WDR44: variants seen among roughly 807,000 people sequenced by gnomAD.
The protein encoded by WDR44 is WD repeat domain 44.
Under a neutral mutation model 65.7 loss-of-function variants are expected in WDR44, and 9 were observed. That is an observed-to-expected ratio of 0.14 (90% CI 0.08 to 0.24). The LOEUF is 0.24. WDR44 is among the 10% of genes least tolerant of loss of function. The pLI, the probability that WDR44 is intolerant of heterozygous loss-of-function variation, is 1.00. For missense variants in WDR44, 425 were observed against 670.9 expected, an observed-to-expected ratio of 0.63 and a Z score of 4.05; for synonymous variants, 220 against 235.2, an observed-to-expected ratio of 0.94 and a Z score of 0.59.
chrX:118,436,514 T>C (rs781570473), intron 13 of WDR44, 188 bp from the exon 14 acceptor site: 2 of 545,044 alleles, frequency 3.7e-6, no homozygotes, highest in Non-Finnish European at 6.4e-6. Flanking sequence ...ATCAGTGAAA[T>C]ATGGTACTTA....
At chrX:118,380,019 CT>C (rs2056700537) in intron 2 of WDR44, among the ~76,000 whole-genome samples, 1 of 111,593 alleles carries the variant, frequency 9.0e-6, no homozygotes, top group Non-Finnish European at 1.9e-5. Flanking sequence ...GGAGAATTTA[CT>C]TTACCCCGTA....
chrX:118,442,274 C>G lies in WDR44; in HGVS notation c.2197C>G (p.Arg733Gly). Reference protein sequence around the residue: ...HLKYHTQIHVRSTRGRNKVGR... With the variant: ...HLKYHTQIHVGSTRGRNKVGR... ...GAAATACCATACACAAATACATGTC[C>G]GATCTACTAGAGGGCGCAACAAGGT... Residue 733 changes from arginine to glycine, a missense_variant, in exon 16 of 20, where the codon CGA becomes GGA. Physicochemically the swap from Arg to Gly is moderately radical, Grantham distance 125. Around this residue, in one of 5 missense-constraint regions of WDR44, gnomAD observed 73 missense variants for 187.4 expected, o/e 0.39. Coordinates refer to ENST00000254029, the MANE Select transcript of WDR44 (RefSeq NM_019045.5). 1.7e-6 allele frequency: 2 copies of G among 1,209,348 alleles called. No individual in the cohort carries two copies. The highest frequency in any genetic ancestry group is 2.2e-6 in the Non-Finnish European group (2 of 893,684).
At position 118,393,160 on chromosome X, in the gene WDR44, C is replaced by G. The variant is rs766265137; in HGVS notation, c.715C>G (p.Pro239Ala). 1 of 1,210,194 alleles carries G rather than the reference C, an allele frequency of 8.3e-7. No homozygotes were observed. Among genetic ancestry groups the G allele is most frequent in the Non-Finnish European group, 1.1e-6 (1 of 895,294 alleles). ...GCCTGTTCCAGCACGCCCACCTCCT[C>G]CAACTAATTTCCCACCTCCTAGACC... is the stretch of plus-strand genomic sequence containing the variant. ...KKPVPARPPP[P>A]TNFPPPRPPP... The change falls in exon 4 of 20, where the codon CCA (proline) becomes GCA (alanine). Residue 239 changes from proline to alanine, a missense_variant. Transcript: ENST00000254029.
chrX:118,407,131 G>C (rs771291198), intron 10 of WDR44, 105 bp downstream of exon 10: 236 of 799,046 alleles, frequency 3.0e-4, no homozygotes, highest in Non-Finnish European at 4.1e-4. Context: ...TTGCTAGCCT[G>C]ACTCAAGAAC....
chrX:118,398,197 A>G (rs888695424), intron 7 of WDR44, among the ~76,000 whole-genome samples, 190 bp from the exon 8 acceptor site: 1 of 112,302 alleles, frequency 8.9e-6, no homozygotes, highest in African/African-American at 3.2e-5. Context: ...AGATTGTGCC[A>G]CTGCACTGCA....
chrX:118,448,326 A>C (rs2057365466), intron 19 of WDR44, among the ~76,000 whole-genome samples: 1 of 112,191 alleles, frequency 8.9e-6, no homozygotes, highest in Non-Finnish European at 1.9e-5. Context: ...TGGCAAATGT[A>C]AGAGGTAAGC....
chrX:118,365,677 A>T lies in WDR44; in HGVS notation c.78-12742A>T, dbSNP rs190411293. Reference sequence around the variant, plus strand: ...TAGGGTAGAAAGTAATTTAGTGCTTAAAACCGGATTTTTGTGTGTGTGCAA... The same window carrying T: ...TAGGGTAGAAAGTAATTTAGTGCTTTAAACCGGATTTTTGTGTGTGTGCAA... On this transcript the variant is annotated intron_variant, in intron 1 of 19. Transcript: ENST00000254029. 1.3e-4 allele frequency among the ~76,000 whole-genome samples: 15 copies of T among 111,886 alleles called. No homozygotes were observed. The South Asian group carries it at 2.6e-3, about 19-fold the overall frequency.
intron 2 of WDR44, among the ~76,000 whole-genome samples, chrX:118,387,038 C>G (rs775086496): frequency 1.8e-5 from 2 of 109,296 alleles, no homozygotes; most frequent in South Asian, 7.9e-4. Context: ...AAAAATTAGC[C>G]AGGTGTGGTG....
chrX:118,393,321 G>C, intron 4 of WDR44, 50 bp downstream of exon 4: 1 of 1,137,599 alleles, frequency 8.8e-7, no homozygotes, highest in Non-Finnish European at 1.2e-6. Context: ...AGTGGCTCAC[G>C]CCTGTAATCC....
chrX:118,361,505 G>T lies in WDR44; in HGVS notation c.77+14925G>T, dbSNP rs1455681316. Among the ~76,000 whole-genome samples the T allele has an allele frequency of 6.3e-5, 7 of 111,957 alleles. No homozygotes were observed. The East Asian group carries it at 2.0e-3, about 31-fold the overall frequency. ...TGCCTGTAATCCCGAGGCAGGCGGG[G>T]GGCCAAGGCAGACAGATTTCTTGAG... On this transcript the variant is annotated intron_variant, in intron 1 of 19. Coordinates refer to ENST00000254029, the MANE Select transcript of WDR44 (RefSeq NM_019045.5).
At chrX:118,388,398 A>T (rs776884970) in intron 3 of WDR44, among the ~76,000 whole-genome samples, 1 of 110,654 alleles carries the variant, frequency 9.0e-6, no homozygotes, top group Non-Finnish European at 1.9e-5. Context: ...CTCCCACCTC[A>T]CCCTCCTGAG....
intron 12 of WDR44, among the ~76,000 whole-genome samples, chrX:118,419,205 G>A (rs918085429): frequency 2.7e-5 from 3 of 111,328 alleles, no homozygotes; most frequent in South Asian, 3.8e-4. Context: ...GAGGCTTCTC[G>A]CCAGTTCAAA....
intron 12 of WDR44, among the ~76,000 whole-genome samples, chrX:118,414,704 G>C (rs767726718): frequency 8.9e-6 from 1 of 111,963 alleles, no homozygotes; most frequent in South Asian, 3.7e-4. Context: ...GTATACAAGA[G>C]CTACTGATTT....
intron 1 of WDR44, among the ~76,000 whole-genome samples, chrX:118,375,005 G>T (rs1265427158): frequency 9.0e-6 from 1 of 111,473 alleles, no homozygotes; most frequent in African/African-American, 3.3e-5. Context: ...AAATTACTCT[G>T]TATAGTTTGT....
chrX:118,418,845 G>T (rs1311710052), intron 12 of WDR44, among the ~76,000 whole-genome samples: 3 of 110,755 alleles, frequency 2.7e-5, no homozygotes, highest in African/African-American at 9.8e-5. Context: ...AATCTCCTTG[G>T]TTGGGTCTTG....
At chrX:118,430,348 C>A (rs1173362378) in intron 12 of WDR44, among the ~76,000 whole-genome samples, 1 of 104,178 alleles carries the variant, frequency 9.6e-6, no homozygotes, top group African/African-American at 3.6e-5. Context: ...TCAAGACCAG[C>A]CTGGCCAAGA....
intron 12 of WDR44, among the ~76,000 whole-genome samples, chrX:118,423,452 A>G (rs1392366594): frequency 8.9e-6 from 1 of 112,271 alleles, no homozygotes; most frequent in African/African-American, 3.2e-5. Context: ...TACAAGCGTG[A>G]GCCACTGTGC....
At chrX:118,350,041 T>C (rs1381172281) in intron 1 of WDR44, among the ~76,000 whole-genome samples, 3 of 110,164 alleles carry the variant, frequency 2.7e-5, no homozygotes, top group African/African-American at 9.9e-5. Flanking sequence ...TGGAGTAAAA[T>C]GCTTTAGGAC....
intron 1 of WDR44, among the ~76,000 whole-genome samples, chrX:118,370,902 T>A (rs934895838): frequency 2.7e-5 from 3 of 110,398 alleles, no homozygotes; most frequent in South Asian, 3.8e-4. Flanking sequence ...TTTTTTTTTT[T>A]AATAAATTAC....
Sources: gnomAD v4.1 joint callset for allele counts (sites outside exome capture counted in the v4.1 genomes callset) on GRCh38, gnomAD v4.1.1 for gene constraint, gnomAD v4.1.1 regional missense constraint, MANE v1.5 for transcripts, NCBI Gene and HGNC (gene_info 2026-07-23, HGNC 2026-07-21) for gene names.